The following COL25A1 variants were observed in gnomAD, a reference collection of about 807,000 sequenced individuals.
COL25A1 encodes the protein collagen alpha-1(XXV) chain.
A neutral mutation model predicts 128.4 loss-of-function variants in COL25A1; 103 were observed. That is an observed-to-expected ratio of 0.80 (90% confidence interval 0.68 to 0.94). The LOEUF (loss-of-function observed/expected upper bound fraction) is 0.94. Ranked by LOEUF, COL25A1 falls within the 40% of genes least tolerant of loss-of-function variation. The pLI, the probability that COL25A1 is intolerant of heterozygous loss-of-function variation, is 0.00. For synonymous variants in COL25A1, 279 were observed against 277.2 expected (o/e 1.01, Z -0.06); for missense variants, 745 against 840.0 (o/e 0.89, Z 1.40).
intron 10 of COL25A1, among the ~76,000 whole-genome samples, chr4:108,939,674 C>T (rs1001114470): frequency 6.6e-6 from 1 of 151,892 alleles, no homozygotes; most frequent in South Asian, 2.1e-4. Flanking sequence ...TTATGTACTA[C>T]AAAAATACTA....
At chr4:108,874,137 C>A (rs62314575) in intron 19 of COL25A1, among the ~76,000 whole-genome samples, 35,754 of 152,030 alleles carry the variant, frequency 0.24, 5,419 homozygotes, top group South Asian at 0.42. Context: ...GGGAAGAAGG[C>A]GGGAGGAAGC....
chr4:109,290,993 C>A (rs1327945184), intron 3 of COL25A1, among the ~76,000 whole-genome samples: 2 of 152,086 alleles, frequency 1.3e-5, no homozygotes, highest in Non-Finnish European at 2.9e-5. Context: ...AAGTCATTTT[C>A]TCTTCCAGTC....
At chr4:108,947,194 A>C (rs934255769) in intron 8 of COL25A1, among the ~76,000 whole-genome samples, 7 of 152,168 alleles carry the variant, frequency 4.6e-5, no homozygotes, top group Admixed American at 2.6e-4. Flanking sequence ...CTATAATCCC[A>C]GCACTTTGGG....
At chr4:109,036,433 A>C (rs567236617) in intron 5 of COL25A1, among the ~76,000 whole-genome samples, 15 of 152,324 alleles carry the variant, frequency 9.8e-5, no homozygotes, top group African/African-American at 3.4e-4. Flanking sequence ...ATAATGTACA[A>C]AGTAAGTTTG....
intron 3 of COL25A1, among the ~76,000 whole-genome samples, chr4:109,256,086 GT>G (rs1781066419): frequency 3.0e-5 from 1 of 33,090 alleles, no homozygotes; most frequent in African/African-American, 3.2e-4. Context: ...TTAAGCATTG[GT>G]GTGTGTGTGT....
At chr4:108,952,949 A>T (rs898878559) in intron 8 of COL25A1, among the ~76,000 whole-genome samples, 2 of 149,002 alleles carry the variant, frequency 1.3e-5, no homozygotes, top group African/African-American at 5.0e-5. Context: ...TTTGCTAAAC[A>T]TCCTTTGTTT....
At chr4:108,872,512 T>C (rs1189506027) in intron 19 of COL25A1, among the ~76,000 whole-genome samples, 3 of 152,156 alleles carry the variant, frequency 2.0e-5, no homozygotes, top group Non-Finnish European at 4.4e-5. Flanking sequence ...TTTAGGATAG[T>C]AGCTAAGAAA....
chr4:109,197,966 C>T (rs185831901), intron 3 of COL25A1, among the ~76,000 whole-genome samples: 3 of 152,254 alleles, frequency 2.0e-5, no homozygotes, highest in African/African-American at 7.2e-5. Context: ...TCACCCAACA[C>T]ATTTTCTCAT....
intron 32 of COL25A1, among the ~76,000 whole-genome samples, chr4:108,831,740 A>C (rs1733146178): frequency 6.6e-6 from 1 of 151,720 alleles, no homozygotes; most frequent in Non-Finnish European, 1.5e-5. Flanking sequence ...GGGAGAAGAG[A>C]GAAGAAAGTT....
At chr4:109,283,640 C>T (rs1452837091) in intron 3 of COL25A1, among the ~76,000 whole-genome samples, 1 of 152,178 alleles carries the variant, frequency 6.6e-6, no homozygotes, top group Non-Finnish European at 1.5e-5. Flanking sequence ...CCTAGTCTAA[C>T]AAACTTCACA....
In COL25A1 at chr4:109,012,417, CT is replaced by C. The variant is rs1482207577; in HGVS notation, c.421-2043del. On this transcript the variant is annotated intron_variant, in intron 5 of 37. Transcript: ENST00000399132. ...GCCCGCCACTGCACTGTGGGAGCCC[CT>C]GTCTGGGCTGGCCAAGGCCGGAGCT... Among the ~76,000 whole-genome samples, 4 of 41,936 alleles carry C rather than the reference CT, an allele frequency of 9.5e-5. No individual in the cohort carries two copies. In the African/African-American group the frequency reaches 1.8e-3, roughly 19 times the overall value. 27.5% of individuals were successfully genotyped at this position (41,936 alleles called of 152,430 possible).
intron 3 of COL25A1, among the ~76,000 whole-genome samples, chr4:109,053,000 A>G (rs565133831): frequency 6.6e-6 from 1 of 152,284 alleles, no homozygotes; most frequent in South Asian, 2.1e-4. Flanking sequence ...AGTAAATTCT[A>G]TCAGCAGAAA....
chr4:108,895,467 T>C (rs1022914654), intron 16 of COL25A1, among the ~76,000 whole-genome samples: 1 of 152,146 alleles, frequency 6.6e-6, no homozygotes, highest in Non-Finnish European at 1.5e-5. Context: ...GTCAGAGGTA[T>C]CTATAAAGTA....
At chr4:109,068,293 A>G (rs1762627703) in intron 3 of COL25A1, among the ~76,000 whole-genome samples, 1 of 152,236 alleles carries the variant, frequency 6.6e-6, no homozygotes, top group African/African-American at 2.4e-5. Context: ...AAAGCAAAAA[A>G]GAAACATGAG....
chr4:109,042,265 C>A (rs992959981), intron 5 of COL25A1, among the ~76,000 whole-genome samples: 8 of 152,068 alleles, frequency 5.3e-5, no homozygotes, highest in Non-Finnish European at 1.2e-4. Flanking sequence ...CCACTCAATA[C>A]AGAAGACATG....
At chr4:109,266,626 T>G (rs995238916) in intron 3 of COL25A1, among the ~76,000 whole-genome samples, 1 of 152,108 alleles carries the variant, frequency 6.6e-6, no homozygotes, top group Non-Finnish European at 1.5e-5. Context: ...GACCTCAGTT[T>G]GTAATGTTTA....
chr4:108,938,055 A>T (rs546188649), intron 10 of COL25A1, among the ~76,000 whole-genome samples: 1 of 152,302 alleles, frequency 6.6e-6, no homozygotes, highest in Admixed American at 6.5e-5. Flanking sequence ...CTAGATTATC[A>T]TGTCTTCTTT....
intron 3 of COL25A1, among the ~76,000 whole-genome samples, chr4:109,275,635 C>T (rs558657048): frequency 6.6e-6 from 1 of 152,298 alleles, no homozygotes; most frequent in Non-Finnish European, 1.5e-5. Context: ...TTAATGCCAA[C>T]AAGCATTCTC....
At chr4:108,885,335 T>G (rs1386420649) in intron 18 of COL25A1, among the ~76,000 whole-genome samples, 1 of 152,196 alleles carries the variant, frequency 6.6e-6, no homozygotes, top group Non-Finnish European at 1.5e-5. Flanking sequence ...AAGTGATGTC[T>G]GAGACTGCTT....
Sources: gnomAD v4.1 joint callset for allele counts (sites outside exome capture counted in the v4.1 genomes callset) on GRCh38, gnomAD v4.1.1 for gene constraint, MANE v1.5 for transcripts, NCBI Gene and HGNC (gene_info 2026-07-23, HGNC 2026-07-21) for gene names.